The following ULK4 variants were observed in gnomAD, a reference collection of about 807,000 sequenced individuals.
ULK4 encodes inactive serine/threonine-protein kinase ULK4.
A neutral mutation model predicts 160.6 loss-of-function variants in ULK4; 133 were observed. That is an observed-to-expected ratio of 0.83 (90% CI 0.72 to 0.96). The LOEUF is 0.96. ULK4 is among the 40% of genes least tolerant of loss of function. The probability of loss-of-function intolerance (pLI) is 0.00; values close to 1 mark genes in which losing one functional copy is unlikely to be tolerated. For missense variants in ULK4, 1,580 were observed against 1,499.5 expected, an observed-to-expected ratio of 1.05 and a Z score of -0.89; for synonymous variants, 534 against 539.8, an observed-to-expected ratio of 0.99 and a Z score of 0.15.
At chr3:41,352,305 C>T (rs903738000) in intron 35 of ULK4, among the ~76,000 whole-genome samples, 4 of 152,202 alleles carry the variant, frequency 2.6e-5, no homozygotes, top group Admixed American at 6.5e-5. Flanking sequence ...GGGTCACATA[C>T]ACCTACACTG....
chr3:41,893,440 T>C (rs1698040847), intron 16 of ULK4, among the ~76,000 whole-genome samples: 1 of 152,168 alleles, frequency 6.6e-6, no homozygotes, highest in African/African-American at 2.4e-5. Context: ...ACAAAAGGCA[T>C]TTTAAACACA....
In ULK4 at chr3:41,754,390, A is replaced by G. The variant is rs754023067; in HGVS notation, c.2292T>C (p.Arg764=). The G allele has an allele frequency of 2.5e-6, 4 of 1,612,244 alleles. No individual in the cohort carries two copies. The highest frequency in any genetic ancestry group is 3.4e-6 in the Non-Finnish European group (4 of 1,179,168). ...LVLLYILIYN[R]EMLLLSCQAR... ...CTTGGCAACTGAGCAGCAACATCTC[A>G]CGGTTATAAATCAAAATATATAGAA... is the stretch of plus-strand genomic sequence containing the variant. Residue 764 remains arginine (R), a synonymous_variant, in exon 22 of 37, where the codon CGT becomes CGC. Coordinates refer to ENST00000301831, the MANE Select transcript of ULK4 (RefSeq NM_017886.4).
chr3:41,556,872 T>C lies in ULK4; in HGVS notation c.3226+9153A>G, dbSNP rs1310310471. On this transcript the variant is annotated intron_variant, in intron 32 of 36. Coordinates refer to ENST00000301831, the MANE Select transcript of ULK4 (RefSeq NM_017886.4). ...GGAAAAAAAAATTTTAATGAAGCAA[T>C]ATAGCATTAATATTAAAATCTGGGC... Among the ~76,000 whole-genome samples the C allele has an allele frequency of 5.3e-5, 8 of 152,060 alleles. No individual in the cohort carries two copies. In the East Asian group the frequency reaches 1.5e-3, roughly 29 times the overall value.
intron 35 of ULK4, among the ~76,000 whole-genome samples, chr3:41,320,528 C>T (rs1219536638): frequency 2.0e-5 from 3 of 152,140 alleles, no homozygotes; most frequent in Non-Finnish European, 4.4e-5. Flanking sequence ...AGGCTGGCCA[C>T]GGGGAACAAC....
intron 34 of ULK4, among the ~76,000 whole-genome samples, chr3:41,408,924 C>T (rs1016217792): frequency 6.6e-6 from 1 of 152,120 alleles, no homozygotes; most frequent in Non-Finnish European, 1.5e-5. Flanking sequence ...CTGGACCCCA[C>T]ATCACACCAT....
chr3:41,761,264 T>A (rs1050481064), intron 21 of ULK4, among the ~76,000 whole-genome samples: 9 of 149,858 alleles, frequency 6.0e-5, no homozygotes, highest in Non-Finnish European at 1.3e-4. Context: ...TACATAAATT[T>A]AAAAATTAAA....
At chr3:41,663,951 A>C (rs942566753) in intron 29 of ULK4, among the ~76,000 whole-genome samples, 3 of 152,244 alleles carry the variant, frequency 2.0e-5, no homozygotes, top group African/African-American at 7.2e-5. Context: ...GTCCTCACTT[A>C]AATGCTACTC....
intron 22 of ULK4, among the ~76,000 whole-genome samples, chr3:41,743,811 G>A (rs917831088): frequency 6.6e-6 from 1 of 151,704 alleles, no homozygotes; most frequent in Admixed American, 6.6e-5. Flanking sequence ...GAATACAGGC[G>A]CACACAACCA....
intron 32 of ULK4, among the ~76,000 whole-genome samples, chr3:41,564,607 C>A (rs2700449): frequency 1.3e-5 from 2 of 150,976 alleles, no homozygotes; most frequent in African/African-American, 4.9e-5. Context: ...TACAGTCACC[C>A]GCCACCACAC....
chr3:41,664,424 G>A (rs1018567944), intron 29 of ULK4, among the ~76,000 whole-genome samples: 3 of 152,050 alleles, frequency 2.0e-5, no homozygotes, highest in African/African-American at 4.8e-5. Flanking sequence ...GGGGTCACAC[G>A]CAGCACACTC....
chr3:41,632,161 A>G (rs1257718512), intron 30 of ULK4, among the ~76,000 whole-genome samples: 1 of 152,184 alleles, frequency 6.6e-6, no homozygotes, highest in Admixed American at 6.6e-5. Flanking sequence ...CTTGCACCAG[A>G]GCTGGAAGGG....
intron 35 of ULK4, among the ~76,000 whole-genome samples, chr3:41,372,727 A>T (rs937875819): frequency 1.3e-5 from 2 of 152,242 alleles, no homozygotes; most frequent in African/African-American, 4.8e-5. Flanking sequence ...AATTAACTGC[A>T]TCAACTAACG....
At chr3:41,758,702 T>C (rs2038885863) in intron 21 of ULK4, among the ~76,000 whole-genome samples, 1 of 151,738 alleles carries the variant, frequency 6.6e-6, no homozygotes, top group South Asian at 2.1e-4. Context: ...TGAAACCCCG[T>C]CTCTACCAAA....
At chr3:41,788,918 C>G (rs1391106493) in intron 21 of ULK4, among the ~76,000 whole-genome samples, 1 of 152,166 alleles carries the variant, frequency 6.6e-6, no homozygotes, top group Non-Finnish European at 1.5e-5. Context: ...CTAATATTCT[C>G]AAGCAAAGCT....
At chr3:41,525,930 C>T (rs1416338727) in intron 32 of ULK4, among the ~76,000 whole-genome samples, 1 of 152,176 alleles carries the variant, frequency 6.6e-6, no homozygotes, top group Admixed American at 6.5e-5. Flanking sequence ...TACCTAAAGC[C>T]TATCTGCCAC....
intron 35 of ULK4, among the ~76,000 whole-genome samples, chr3:41,360,288 GA>G (rs1486722530): frequency 6.6e-6 from 1 of 152,182 alleles, no homozygotes; most frequent in East Asian, 1.9e-4. Context: ...AGGTTGTGGA[GA>G]AAAAGGAATG....
At chr3:41,828,005 C>G (rs554097292) in intron 18 of ULK4, among the ~76,000 whole-genome samples, 68 of 152,148 alleles carry the variant, frequency 4.5e-4, no homozygotes, top group African/African-American at 1.5e-3. Context: ...ATACACAACT[C>G]AATCAACATA....
At chr3:41,905,208 T>G (rs912085214) in intron 12 of ULK4, among the ~76,000 whole-genome samples, 2 of 152,056 alleles carry the variant, frequency 1.3e-5, no homozygotes, top group Non-Finnish European at 2.9e-5. Context: ...TCAGCAAGGG[T>G]TCCAAGACAA....
intron 19 of ULK4, among the ~76,000 whole-genome samples, chr3:41,812,326 G>C (rs774864136): frequency 6.6e-6 from 1 of 152,046 alleles, no homozygotes; most frequent in South Asian, 2.1e-4. Context: ...CAAACCAAGG[G>C]TGAGAGACAT....
Sources: allele counts gnomAD v4.1 joint callset (sites outside exome capture counted in the v4.1 genomes callset), GRCh38; gene constraint gnomAD v4.1.1; transcripts MANE v1.5; gene names NCBI Gene and HGNC (gene_info 2026-07-23, HGNC 2026-07-21).